The following HPSE2 variants were observed in gnomAD, a reference collection of about 807,000 sequenced individuals.
The protein encoded by HPSE2 is heparanase 2 (inactive).
Under a neutral mutation model 60.5 loss-of-function variants are expected in HPSE2, and 38 were observed. That is an observed-to-expected ratio of 0.63 (90% CI 0.48 to 0.82). The LOEUF is 0.82. Ranked by LOEUF, HPSE2 falls within the 40% of genes least tolerant of loss-of-function variation. The pLI is 0.00. For synonymous variants in HPSE2, 295 were observed against 293.2 expected, an observed-to-expected ratio of 1.01 and a Z score of -0.06; for missense variants, 713 against 740.4, an observed-to-expected ratio of 0.96 and a Z score of 0.43.
At chr10:99,216,553 CT>C (rs1849136795) in intron 2 of HPSE2, among the ~76,000 whole-genome samples, 1 of 152,162 alleles carries the variant, frequency 6.6e-6, no homozygotes, top group South Asian at 2.1e-4. Context: ...GTAAATTTGT[CT>C]GGTGACACCT....
chr10:98,978,384 G>A (rs1460461053), intron 3 of HPSE2, among the ~76,000 whole-genome samples: 2 of 152,094 alleles, frequency 1.3e-5, no homozygotes, highest in Non-Finnish European at 2.9e-5. Context: ...CTCTAGGTTA[G>A]CTATTCCTAT....
At chr10:98,694,511 C>A (rs2134171827) in intron 5 of HPSE2, among the ~76,000 whole-genome samples, 1 of 152,294 alleles carries the variant, frequency 6.6e-6, no homozygotes, top group Admixed American at 6.5e-5. Flanking sequence ...CTATCATCTA[C>A]TTTTGGAGCA....
chr10:98,666,769 G>A (rs1239181200), intron 6 of HPSE2, among the ~76,000 whole-genome samples: 1 of 152,126 alleles, frequency 6.6e-6, no homozygotes, highest in Non-Finnish European at 1.5e-5. Context: ...AAATCCTTGG[G>A]ATGCCACTAA....
At chr10:99,263,491 A>G in the HPSE2 span, among the ~76,000 whole-genome samples, 1 of 152,158 alleles carries the variant, frequency 6.6e-6, no homozygotes, top group Non-Finnish European at 1.5e-5. Context: ...AACTCTTCTC[A>G]AGACTGCTTT....
At chr10:99,018,132 C>T (rs182373750) in intron 3 of HPSE2, among the ~76,000 whole-genome samples, 1 of 152,310 alleles carries the variant, frequency 6.6e-6, no homozygotes, top group East Asian at 1.9e-4. Flanking sequence ...ACTTCTATTA[C>T]AAAGCAAATA....
intron 3 of HPSE2, among the ~76,000 whole-genome samples, chr10:99,076,638 T>C (rs1438520269): frequency 6.6e-6 from 1 of 152,172 alleles, no homozygotes; most frequent in East Asian, 1.9e-4. Flanking sequence ...TCTGTCTGCC[T>C]CGGCTTCCCA....
intron 9 of HPSE2, among the ~76,000 whole-genome samples, chr10:98,515,669 T>C (rs1942579035): frequency 6.6e-6 from 1 of 152,194 alleles, no homozygotes. Flanking sequence ...GCATTTTCTT[T>C]TTAAGAATAT....
chr10:99,289,112 T>C, the HPSE2 span, among the ~76,000 whole-genome samples: 2 of 152,136 alleles, frequency 1.3e-5, no homozygotes, highest in Admixed American at 6.5e-5. Context: ...ACTTGGGTCA[T>C]AGGAGAGGCA....
At chr10:98,984,679 C>A (rs948852547) in intron 3 of HPSE2, among the ~76,000 whole-genome samples, 61 of 151,978 alleles carry the variant, frequency 4.0e-4, no homozygotes, top group African/African-American at 1.3e-3. Context: ...AGGCTTCAGA[C>A]GATCAAACTA....
At chr10:98,749,282 C>G (rs1458128675) in intron 3 of HPSE2, among the ~76,000 whole-genome samples, 1 of 151,912 alleles carries the variant, frequency 6.6e-6, no homozygotes, top group Non-Finnish European at 1.5e-5. Flanking sequence ...TATTAAATTA[C>G]TCAACAAATA....
chr10:98,534,078 A>G (rs528602245), intron 9 of HPSE2, among the ~76,000 whole-genome samples: 1 of 152,354 alleles, frequency 6.6e-6, no homozygotes, highest in African/African-American at 2.4e-5. Context: ...AGGGTTAGAC[A>G]TAAGTTTTTA....
chr10:99,152,194 C>T (rs572011337), intron 2 of HPSE2, among the ~76,000 whole-genome samples: 1 of 151,812 alleles, frequency 6.6e-6, no homozygotes, highest in East Asian at 1.9e-4. Context: ...GCCTGTAGTC[C>T]CAGCTACTTG....
the HPSE2 span, among the ~76,000 whole-genome samples, chr10:99,286,184 G>A: frequency 2.6e-5 from 4 of 152,084 alleles, no homozygotes; most frequent in Non-Finnish European, 5.9e-5. Flanking sequence ...AAAATTAAAC[G>A]TGGAATTACC....
chr10:98,796,383 G>A (rs1404848403), intron 3 of HPSE2, among the ~76,000 whole-genome samples: 2 of 152,294 alleles, frequency 1.3e-5, no homozygotes, highest in Non-Finnish European at 1.5e-5. Flanking sequence ...GCAGTGGCCT[G>A]GCAGAACCTC....
At chr10:98,716,616 T>C (rs1565104252) in intron 5 of HPSE2, among the ~76,000 whole-genome samples, 1 of 152,020 alleles carries the variant, frequency 6.6e-6, no homozygotes, top group East Asian at 1.9e-4. Flanking sequence ...GCTATGGCCT[T>C]ATAAAATGTA....
chr10:99,116,304 A>G (rs1844687501), intron 3 of HPSE2, among the ~76,000 whole-genome samples: 1 of 152,138 alleles, frequency 6.6e-6, no homozygotes, highest in Admixed American at 6.6e-5. Flanking sequence ...CCACTTGCAC[A>G]TTTCTGCACC....
rs773723118 is a variant in HPSE2 at position 98,934,177 on chromosome 10, T to G, written c.611-190121A>C. 1.4e-5 allele frequency among the ~76,000 whole-genome samples: 2 copies of G among 144,548 alleles called. 1 individual carries two copies. Among genetic ancestry groups the G allele is most frequent in the East Asian group, 3.9e-4 (2 of 5,116 alleles). The allele number at this position is 144,548 out of a possible 152,430, so 94.8% of individuals were successfully genotyped here. A position where few individuals can be genotyped will look rare whatever the true frequency, so the allele number is the denominator to read the frequency against. On this transcript the variant is annotated intron_variant, in intron 3 of 11. Transcript: ENST00000370552. Reference sequence around the variant, plus strand: ...ATGAGTCTATGTGCGTCTTTGCACATGAGATGTGTCTCTTGAATACAGCAC... The same window carrying G: ...ATGAGTCTATGTGCGTCTTTGCACAGGAGATGTGTCTCTTGAATACAGCAC...
At chr10:99,306,035 GAGA>G in the HPSE2 span, among the ~76,000 whole-genome samples, 2 of 137,824 alleles carry the variant, frequency 1.5e-5, no homozygotes, top group African/African-American at 6.1e-5. Flanking sequence ...GGGAGTAGGA[GAGA>G]ACAAAGGAAG....
intron 9 of HPSE2, among the ~76,000 whole-genome samples, chr10:98,516,276 A>G (rs1179020771): frequency 1.3e-5 from 2 of 152,204 alleles, no homozygotes; most frequent in Non-Finnish European, 2.9e-5. Flanking sequence ...ACAGAAAGCA[A>G]TTTACACAAG....
Sources: gnomAD v4.1 joint callset for allele counts (sites outside exome capture counted in the v4.1 genomes callset) on GRCh38, gnomAD v4.1.1 for gene constraint, MANE v1.5 for transcripts, NCBI Gene and HGNC (gene_info 2026-07-23, HGNC 2026-07-21) for gene names.